The following CAPN5 variants were observed in gnomAD, a reference collection of about 807,000 sequenced individuals.
The protein encoded by CAPN5 is calpain-5.
A neutral mutation model predicts 73.0 loss-of-function variants in CAPN5; 54 were observed. The ratio of observed to expected loss-of-function variants is 0.74; its 90% CI spans 0.59 to 0.93. The LOEUF is 0.93. Ranked by LOEUF, CAPN5 falls within the 40% of genes least tolerant of loss-of-function variation. The pLI is 0.00. For synonymous variants in CAPN5, 335 were observed against 356.9 expected (o/e 0.94, Z 0.69); for missense variants, 785 against 882.9 (o/e 0.89, Z 1.41).
chr11:77,082,398 G>T (rs1950036728), intron 1 of CAPN5, among the ~76,000 whole-genome samples: 1 of 152,208 alleles, frequency 6.6e-6, no homozygotes. Flanking sequence ...GAAAGAAAAG[G>T]CCTGGGTGGA....
At chr11:77,111,958 G>A (rs1555040788) in intron 3 of CAPN5, among the ~76,000 whole-genome samples, 1 of 151,996 alleles carries the variant, frequency 6.6e-6, no homozygotes. Flanking sequence ...TGCTGTGGGG[G>A]AGGCAGAGAA....
intron 8 of CAPN5, 62 bp from the exon 9 acceptor site, chr11:77,118,946 AGTCTGAGCTTCCGGGAGCCAGC>A: frequency 6.8e-7 from 1 of 1,469,452 alleles, no homozygotes; most frequent in Non-Finnish European, 9.3e-7. Flanking sequence ...CAGGCTCTGG[AGTCTGAGCTTCCGGGAGCCAGC>A]CAGCCCATGC....
intron 1 of CAPN5, among the ~76,000 whole-genome samples, chr11:77,070,051 G>C (rs1203449755): frequency 3.3e-5 from 5 of 152,194 alleles, no homozygotes; most frequent in African/African-American, 1.2e-4. Flanking sequence ...GCCAGCCTCA[G>C]GCTTGGATGG....
In CAPN5 at chr11:77,119,129, G is replaced by C. The variant is rs781866125; in HGVS notation, c.1267G>C (p.Ala423Pro). The C allele has an allele frequency of 1.2e-6, 2 of 1,613,000 alleles. No homozygotes were observed. Among genetic ancestry groups the C allele is most frequent in the Non-Finnish European group, 1.7e-6 (2 of 1,179,616 alleles). ...TRREGKGENL[A>P]IGFDIYKVEE... ...CCGGGAGGGCAAGGGTGAGAACCTGGCCATTGGCTTTGACATCTACAAGGT... is the reference window on the plus strand; with the variant it reads ...CCGGGAGGGCAAGGGTGAGAACCTGCCCATTGGCTTTGACATCTACAAGGT... Residue 423 changes from alanine (A) to proline (P), a missense_variant, in exon 9 of 13, where the codon GCC becomes CCC. By Grantham distance (27) the Ala-to-Pro change is conservative. Coordinates refer to ENST00000648180, the MANE Select transcript of CAPN5 (RefSeq NM_004055.5).
intron 1 of CAPN5, among the ~76,000 whole-genome samples, chr11:77,075,308 A>G (rs1441611207): frequency 6.6e-6 from 1 of 152,086 alleles, no homozygotes; most frequent in Admixed American, 6.5e-5. Context: ...GTGCAGAGGA[A>G]ACCTTGCAGG....
intron 2 of CAPN5, among the ~76,000 whole-genome samples, chr11:77,089,061 C>T (rs972477820): frequency 2.0e-5 from 3 of 152,214 alleles, no homozygotes; most frequent in Non-Finnish European, 4.4e-5. Context: ...TGGAACCTGC[C>T]AAGCTTTGCT....
chr11:77,118,957 CCGGGAG>C, intron 8 of CAPN5, 67 bp from the exon 9 acceptor site: 1 of 1,534,058 alleles, frequency 6.5e-7, no homozygotes, highest in Non-Finnish European at 8.8e-7. Context: ...GTCTGAGCTT[CCGGGAG>C]CCAGCCAGCC....
In CAPN5 at chr11:77,089,804, G is replaced by T. The variant is rs1025380882; in HGVS notation, c.166-3878G>T. On this transcript the variant is annotated intron_variant, in intron 2 of 12. Coordinates refer to ENST00000648180, the MANE Select transcript of CAPN5 (RefSeq NM_004055.5). ...CAGGAGAATCGTTTGAACCCAGGAG[G>T]CGAAGGTTGCAGTGAGCCAAGATCG... Among the ~76,000 whole-genome samples the T allele has an allele frequency of 2.0e-5, 3 of 152,180 alleles. No individual in the cohort carries two copies. In the South Asian group the frequency reaches 6.2e-4, roughly 32 times the overall value.
At chr11:77,084,708 A>G (rs1156487023) in intron 1 of CAPN5, 144 bp from the exon 2 acceptor site, 3 of 686,610 alleles carry the variant, frequency 4.4e-6, no homozygotes, top group Admixed American at 2.2e-5. Flanking sequence ...ACTCTGCTGT[A>G]TACCAGCTGT....
In CAPN5 at chr11:77,096,331, G is replaced by A. The variant is rs7943703; in HGVS notation, c.297+2518G>A. Among the ~76,000 whole-genome samples the A allele has an allele frequency of 3.6e-3, 545 of 152,296 alleles. 5 individuals carry two copies. Among genetic ancestry groups the A allele is most frequent in the African/African-American group, 0.012 (512 of 41,560 alleles). ...GCCTGACCTGGATTTGATTCTGGCC[G>A]GGTCTCCTGCTAGCTGTTTTCGTCC... On this transcript the variant is annotated intron_variant, in intron 3 of 12. Coordinates refer to ENST00000648180, the MANE Select transcript of CAPN5 (RefSeq NM_004055.5).
In CAPN5 at chr11:77,088,417, A is replaced by T. The variant is rs1950113613; in HGVS notation, c.165+3366A>T. Among the ~76,000 whole-genome samples the T allele has an allele frequency of 3.3e-5, 5 of 151,750 alleles. No homozygotes were observed. In the South Asian group the frequency reaches 1.0e-3, roughly 32 times the overall value. On this transcript the variant is annotated intron_variant, in intron 2 of 12. Transcript: ENST00000648180. ...CACCCAGCCGAACTGCCCAGGAATG[A>T]CCCCCTTCTGGGCATGTGCTCAGAG...
chr11:77,092,063 T>G (rs2135433211), intron 2 of CAPN5, among the ~76,000 whole-genome samples: 1 of 152,066 alleles, frequency 6.6e-6, no homozygotes, highest in South Asian at 2.1e-4. Context: ...CTACAAAAAA[T>G]TTAAGAGTTA....
chr11:77,112,961 G>C (rs1047931461), intron 4 of CAPN5, 164 bp downstream of exon 4: 2 of 675,224 alleles, frequency 3.0e-6, no homozygotes, highest in Admixed American at 5.0e-5. Flanking sequence ...ATAGTCAGCT[G>C]AGCCTGTGCT....
chr11:77,115,430 G>T lies in CAPN5; in HGVS notation c.735G>T (p.Ala245=). ...VTAADMEARL[A]CGLVKGHAYA... Reference sequence around the variant, plus strand: ...CAGCTGACATGGAGGCCCGCCTGGCGTGCGGCCTGGTAAAGGGCCACGCAT... The same window carrying T: ...CAGCTGACATGGAGGCCCGCCTGGCTTGCGGCCTGGTAAAGGGCCACGCAT... The change falls in exon 6 of 13, where the codon GCG becomes GCT. Residue 245 remains alanine, a synonymous_variant. Coordinates refer to ENST00000648180, the MANE Select transcript of CAPN5 (RefSeq NM_004055.5). The T allele has an allele frequency of 6.2e-7, 1 of 1,607,728 alleles. No homozygotes were observed. Among genetic ancestry groups the T allele is most frequent in the South Asian group, 1.1e-5 (1 of 90,912 alleles).
At chr11:77,075,102 C>T (rs1949955166) in intron 1 of CAPN5, among the ~76,000 whole-genome samples, 1 of 152,218 alleles carries the variant, frequency 6.6e-6, no homozygotes, top group Non-Finnish European at 1.5e-5. Context: ...CCCTTCCACA[C>T]TCCCCATCAC....
At position 77,118,399 on chromosome 11, in the gene CAPN5, G is replaced by T. The variant is rs200706548; in HGVS notation, c.1167+47G>T. ...CACCCTGCCCTGTAGCAGCTGCGGG[G>T]TGCCTTGCCACTGTCCTGCCAGGGA... is the stretch of plus-strand genomic sequence containing the variant. On this transcript the variant is annotated intron_variant, in intron 8 of 12. Transcript: ENST00000648180. 243 of 1,486,710 alleles carry T rather than the reference G, an allele frequency of 1.6e-4. No homozygotes were observed. The African/African-American group carries it at 3.0e-3, about 18-fold the overall frequency. The allele number at this position is 1,486,710 out of a possible 1,614,324, so 92.1% of individuals were successfully genotyped here.
chr11:77,095,631 C>T (rs1461430842), intron 3 of CAPN5, among the ~76,000 whole-genome samples: 1 of 152,236 alleles, frequency 6.6e-6, no homozygotes, highest in Non-Finnish European at 1.5e-5. Flanking sequence ...CCTCCCAGGG[C>T]CTTGTGGTGC....
At chr11:77,120,433 T>A (rs572533657) in intron 9 of CAPN5, 158 of 373,694 alleles carry the variant, frequency 4.2e-4, no homozygotes, top group Non-Finnish European at 6.7e-4. Flanking sequence ...TTTTGTGTGA[T>A]CAGAGTTTAT....
At chr11:77,088,351 A>C (rs1591120213) in intron 2 of CAPN5, among the ~76,000 whole-genome samples, 1 of 152,238 alleles carries the variant, frequency 6.6e-6, no homozygotes, top group East Asian at 1.9e-4. Context: ...TTTTCGTGCC[A>C]CAGAACAGTC....
Sources: allele counts gnomAD v4.1 joint callset (sites outside exome capture counted in the v4.1 genomes callset), GRCh38; gene constraint gnomAD v4.1.1; transcripts MANE v1.5; gene names NCBI Gene and HGNC (gene_info 2026-07-23, HGNC 2026-07-21).